TMEM140: variants seen among roughly 807,000 people sequenced by gnomAD.
TMEM140 encodes transmembrane protein 140.
For missense variants in TMEM140, 236 were observed against 228.5 expected (o/e 1.03, Z -0.21); for synonymous variants, 107 against 106.8 (o/e 1.00, Z -0.01).
chr7:135,153,090 C>G (rs1829702709), intron 1 of TMEM140: 1 of 152,164 alleles, frequency 6.6e-6, no homozygotes, highest in East Asian at 1.9e-4. Flanking sequence ...TGCTCAACAT[C>G]ACTAATCACC....
intron 1 of TMEM140, among the ~76,000 whole-genome samples, chr7:135,156,254 C>T (rs750649735): frequency 2.6e-5 from 4 of 152,182 alleles, no homozygotes; most frequent in Non-Finnish European, 5.9e-5. Flanking sequence ...CTGGGGATCA[C>T]TGGGCCTCCT....
At chr7:135,149,736 G>A (rs1029561639) in intron 1 of TMEM140, among the ~76,000 whole-genome samples, 2 of 152,098 alleles carry the variant, frequency 1.3e-5, no homozygotes, top group East Asian at 1.9e-4. Context: ...TTTACTTGGC[G>A]TATCTTTAAT....
intron 1 of TMEM140, among the ~76,000 whole-genome samples, chr7:135,157,511 G>C (rs915383979): frequency 3.3e-5 from 5 of 152,260 alleles, no homozygotes; most frequent in Non-Finnish European, 7.3e-5. Flanking sequence ...CGCTGCTCTG[G>C]TGGTTAGTGG....
intron 1 of TMEM140, among the ~76,000 whole-genome samples, chr7:135,156,100 T>C (rs1829786153): frequency 6.6e-6 from 1 of 152,202 alleles, no homozygotes; most frequent in Non-Finnish European, 1.5e-5. Context: ...AGAATTCTGC[T>C]GAAAAGTCCT....
At chr7:135,160,256 G>A (rs1157609994) in intron 1 of TMEM140, among the ~76,000 whole-genome samples, 1 of 152,166 alleles carries the variant, frequency 6.6e-6, no homozygotes, top group African/African-American at 2.4e-5. Flanking sequence ...CCTACAATCA[G>A]CATGTGTTAT....
chr7:135,152,305 C>T (rs1829683486), intron 1 of TMEM140, among the ~76,000 whole-genome samples: 1 of 152,214 alleles, frequency 6.6e-6, no homozygotes, highest in Non-Finnish European at 1.5e-5. Flanking sequence ...CAAATGGGAA[C>T]AGTGATAATA....
At chr7:135,160,969 T>C (rs1048840139) in intron 1 of TMEM140, among the ~76,000 whole-genome samples, 1 of 152,136 alleles carries the variant, frequency 6.6e-6, no homozygotes, top group Non-Finnish European at 1.5e-5. Flanking sequence ...CAGATGGGAA[T>C]GTATTCATAC....
intron 1 of TMEM140, among the ~76,000 whole-genome samples, chr7:135,150,397 G>A (rs1322386283): frequency 6.6e-6 from 1 of 152,030 alleles, no homozygotes; most frequent in Non-Finnish European, 1.5e-5. Flanking sequence ...AATACATTTG[G>A]TGTTTGCCTT....
chr7:135,163,843 C>A (rs1193395397), intron 1 of TMEM140, among the ~76,000 whole-genome samples: 2 of 152,144 alleles, frequency 1.3e-5, no homozygotes, highest in African/African-American at 4.8e-5. Context: ...GGTCCTTGAC[C>A]CAGGCTCACC....
intron 1 of TMEM140, chr7:135,153,069 C>T (rs1293590145): frequency 6.6e-6 from 1 of 152,142 alleles, no homozygotes; most frequent in Non-Finnish European, 1.5e-5. Context: ...GGCCAAGAAA[C>T]ATATGAAAAA....
At chr7:135,162,642 A>G (rs1200408666) in intron 1 of TMEM140, among the ~76,000 whole-genome samples, 2 of 152,218 alleles carry the variant, frequency 1.3e-5, no homozygotes, top group African/African-American at 4.8e-5. Context: ...CACTACCATG[A>G]GTACAGTATG....
rs776490873 is a variant in TMEM140 at position 135,164,990 on chromosome 7, G to C, written c.549G>C (p.Glu183Asp). 3 of 1,594,204 alleles carry C rather than the reference G, an allele frequency of 1.9e-6. No homozygotes were observed. Among genetic ancestry groups the C allele is most frequent in the Non-Finnish European group, 1.7e-6 (2 of 1,167,808 alleles). ...LRAERAESKLESC is the reference protein window; with the variant it reads ...LRAERAESKLDSC ...CTGAGAGGGCTGAGAGCAAGCTTGA[G>C]AGCTGCTAAAGGCTTACGTGATTGC... Residue 183 changes from glutamate to aspartate, a missense_variant, in exon 2 of 2, where the codon GAG (glutamate) becomes GAC (aspartate). Glu to Asp is a conservative substitution (Grantham distance 45). Coordinates refer to ENST00000275767, the MANE Select transcript of TMEM140 (RefSeq NM_018295.5).
chr7:135,153,675 A>G (rs1221793764), intron 1 of TMEM140, among the ~76,000 whole-genome samples: 3 of 152,226 alleles, frequency 2.0e-5, no homozygotes, highest in Non-Finnish European at 2.9e-5. Flanking sequence ...CCATCCTTGC[A>G]TCCCTGCAAT....
intron 1 of TMEM140, among the ~76,000 whole-genome samples, chr7:135,156,434 T>A (rs1829795419): frequency 6.6e-6 from 1 of 152,102 alleles, no homozygotes; most frequent in African/African-American, 2.4e-5. Flanking sequence ...CTGACTGGAT[T>A]ATTTCAAAAG....
rs1006584590 is a variant in TMEM140, at chr7:135,155,210, T to A, written c.-25+6940T>A. The stretch of plus-strand genomic sequence containing the variant: ...GAATATCTTTTTCCACCCCTTTGTT[T>A]TCAGTCTATATGTCTTTATGGGTAA... On this transcript the variant is annotated intron_variant, in intron 1 of 1. Coordinates refer to ENST00000275767, the MANE Select transcript of TMEM140 (RefSeq NM_018295.5). Among the ~76,000 whole-genome samples, 91 of 152,360 alleles carry A rather than the reference T, an allele frequency of 6.0e-4. 1 individual carries two copies. Among genetic ancestry groups the A allele is most frequent in the Middle Eastern group, 6.8e-3 (2 of 294 alleles).
At chr7:135,163,570 G>A (rs7798694) in intron 1 of TMEM140, among the ~76,000 whole-genome samples, 45,060 of 152,028 alleles carry the variant, frequency 0.3, 6,905 homozygotes, top group South Asian at 0.45. Flanking sequence ...GCTTGACCCC[G>A]GGAGGCAGAG....
intron 1 of TMEM140, among the ~76,000 whole-genome samples, chr7:135,159,127 A>G (rs1829866342): frequency 6.6e-6 from 1 of 152,196 alleles, no homozygotes; most frequent in Non-Finnish European, 1.5e-5. Context: ...CAGCTGGGCA[A>G]GCTGCCTCGA....
chr7:135,150,726 T>G (rs1829648780), intron 1 of TMEM140, among the ~76,000 whole-genome samples: 1 of 151,848 alleles, frequency 6.6e-6, no homozygotes, highest in East Asian at 1.9e-4. Context: ...AGAAACCAAA[T>G]GAGATTAGCT....
chr7:135,162,769 A>G (rs1468320868), intron 1 of TMEM140, among the ~76,000 whole-genome samples: 2 of 152,234 alleles, frequency 1.3e-5, no homozygotes, highest in Non-Finnish European at 2.9e-5. Flanking sequence ...AAACCATATC[A>G]GCCGAAACTT....
Sources: gnomAD v4.1 joint callset for allele counts (sites outside exome capture counted in the v4.1 genomes callset) on GRCh38, gnomAD v4.1.1 for gene constraint, MANE v1.5 for transcripts, NCBI Gene and HGNC (gene_info 2026-07-23, HGNC 2026-07-21) for gene names.